Variants in ALX4 observed in about 807,000 individuals in gnomAD.
The protein encoded by ALX4 is ALX homeobox 4, also known as homeobox protein aristaless-like 4.
ALX4 carries 22 observed loss-of-function variants against 40.6 expected under a neutral mutation model. The ratio of observed to expected loss-of-function variants is 0.54; its 90% CI spans 0.39 to 0.77. The LOEUF (loss-of-function observed/expected upper bound fraction) is 0.77, where lower values mean the gene tolerates loss of function less well. Among genes scored for constraint, ALX4 ranks in the 30% least tolerant of loss-of-function variants. ALX4 has a pLI of 0.00. For synonymous variants in ALX4, 266 were observed against 240.5 expected (o/e 1.11, Z -0.98); for missense variants, 556 against 564.8 (o/e 0.98, Z 0.16).
intron 1 of ALX4, among the ~76,000 whole-genome samples, chr11:44,277,859 G>A (rs571987098): frequency 2.6e-5 from 4 of 152,354 alleles, no homozygotes; most frequent in African/African-American, 7.2e-5. Context: ...CCGGCCCAGC[G>A]GCATCACGCA....
intron 1 of ALX4, among the ~76,000 whole-genome samples, chr11:44,291,192 T>C (rs1427523747): frequency 1.3e-5 from 2 of 152,182 alleles, no homozygotes; most frequent in Non-Finnish European, 2.9e-5. Flanking sequence ...TGGCAACTGC[T>C]GTAAAAATCA....
intron 3 of ALX4, among the ~76,000 whole-genome samples, chr11:44,266,077 G>A (rs1956211931): frequency 6.6e-6 from 1 of 152,104 alleles, no homozygotes; most frequent in South Asian, 2.1e-4. Flanking sequence ...GCACACTCGA[G>A]GGAGGCATTT....
intron 1 of ALX4, among the ~76,000 whole-genome samples, chr11:44,284,567 T>C (rs1956327633): frequency 6.6e-6 from 1 of 152,234 alleles, no homozygotes; most frequent in Admixed American, 6.5e-5. Context: ...GCCAACCCTG[T>C]ACATCAGGCT....
At chr11:44,306,338 G>A (rs577336848) in intron 1 of ALX4, among the ~76,000 whole-genome samples, 2 of 152,240 alleles carry the variant, frequency 1.3e-5, no homozygotes, top group African/African-American at 4.8e-5. Flanking sequence ...GTCCAGACCC[G>A]GCCAGCAGAG....
chr11:44,286,524 C>A (rs890020182), intron 1 of ALX4, among the ~76,000 whole-genome samples: 13 of 152,120 alleles, frequency 8.5e-5, no homozygotes, highest in African/African-American at 3.1e-4. Flanking sequence ...AGTCACTGGA[C>A]GGAAGGTGAT....
chr11:44,293,420 GA>G (rs530732249), intron 1 of ALX4, among the ~76,000 whole-genome samples: 2 of 131,650 alleles, frequency 1.5e-5, no homozygotes, highest in African/African-American at 2.7e-5. Context: ...CTTAAAAAAA[GA>G]AAAAAAAATA....
chr11:44,276,817 C>T (rs906890890), intron 1 of ALX4, among the ~76,000 whole-genome samples: 12 of 152,166 alleles, frequency 7.9e-5, no homozygotes, highest in Non-Finnish European at 1.5e-4. Flanking sequence ...ATGCATGGTT[C>T]ACAGTAGGAT....
At chr11:44,297,408 C>A (rs986781621) in intron 1 of ALX4, among the ~76,000 whole-genome samples, 6 of 152,086 alleles carry the variant, frequency 3.9e-5, no homozygotes, top group African/African-American at 1.4e-4. Flanking sequence ...AAAGTCTGAA[C>A]CCTTTGGTAG....
chr11:44,295,592 C>T (rs1956398393), intron 1 of ALX4, among the ~76,000 whole-genome samples: 1 of 152,250 alleles, frequency 6.6e-6, no homozygotes, highest in African/African-American at 2.4e-5. Context: ...GTGCCATTCA[C>T]TGGATGGCCT....
At chr11:44,265,599 C>T (rs7925621) in intron 3 of ALX4, among the ~76,000 whole-genome samples, 39,250 of 152,038 alleles carry the variant, frequency 0.26, 5,362 homozygotes, top group Middle Eastern at 0.33. Flanking sequence ...GGTGAGCAGA[C>T]CTCAACTCGG....
rs373304528 is a variant in ALX4, at chr11:44,310,082, C to T, written c.-20G>A. 2.9e-5 allele frequency: 46 copies of T among 1,563,412 alleles called. No individual in the cohort carries two copies. Among genetic ancestry groups the T allele is most frequent in the Non-Finnish European group, 3.8e-5 (44 of 1,152,494 alleles). On this transcript the variant is annotated 5_prime_UTR_variant, in exon 1 of 4. Coordinates refer to ENST00000652299, the MANE Select transcript of ALX4 (RefSeq NM_021926.4). Reference sequence around the variant, plus strand: ...ATTCATGCCTGGCTTGCGCAGGCGGCGGGCGGGGACGCGAGCGAGGGCGCG... The same window carrying T: ...ATTCATGCCTGGCTTGCGCAGGCGGTGGGCGGGGACGCGAGCGAGGGCGCG...
chr11:44,278,267 G>GT (rs147206352), intron 1 of ALX4, among the ~76,000 whole-genome samples: 8,254 of 152,236 alleles, frequency 0.054, 314 homozygotes, highest in African/African-American at 0.098. Flanking sequence ...TAACTGGGGG[G>GT]AAACTGAGGC....
intron 1 of ALX4, among the ~76,000 whole-genome samples, chr11:44,301,314 A>G (rs1461652289): frequency 6.6e-6 from 1 of 152,192 alleles, no homozygotes; most frequent in East Asian, 1.9e-4. Context: ...CGATGTAACC[A>G]AAGGCCCTCA....
intron 2 of ALX4, among the ~76,000 whole-genome samples, chr11:44,270,757 G>A (rs2135309740): frequency 6.6e-6 from 1 of 152,308 alleles, no homozygotes; most frequent in East Asian, 1.9e-4. Flanking sequence ...CGGTCTGAAT[G>A]TCATACCTCA....
chr11:44,279,254 C>A (rs188956569), intron 1 of ALX4, among the ~76,000 whole-genome samples: 1 of 152,196 alleles, frequency 6.6e-6, no homozygotes, highest in African/African-American at 2.4e-5. Context: ...AACCCCCCAG[C>A]GCCCTTCCCC....
At chr11:44,285,153 C>T (rs1467667291) in intron 1 of ALX4, among the ~76,000 whole-genome samples, 1 of 152,180 alleles carries the variant, frequency 6.6e-6, no homozygotes, top group East Asian at 1.9e-4. Context: ...TTAGTAGAGA[C>T]AGGGTTTCGC....
intron 1 of ALX4, among the ~76,000 whole-genome samples, chr11:44,283,400 A>T (rs965310209): frequency 2.0e-5 from 3 of 152,240 alleles, no homozygotes; most frequent in African/African-American, 7.2e-5. Flanking sequence ...CTAGGAATTT[A>T]CTCAATAAAT....
At chr11:44,305,575 G>C (rs1171309453) in intron 1 of ALX4, among the ~76,000 whole-genome samples, 1 of 152,166 alleles carries the variant, frequency 6.6e-6, no homozygotes, top group Non-Finnish European at 1.5e-5. Context: ...ACACACCCCA[G>C]TTCTCTAACT....
Position 44,260,516 on chromosome 11 carries a change from TG to T in ALX4, c.*4337del, listed in dbSNP as rs1374759660. 2.6e-5 allele frequency: 4 copies of T among 152,170 alleles called. No homozygotes were observed. The East Asian group carries it at 7.7e-4, about 29-fold the overall frequency. 9.4% of individuals were successfully genotyped at this position (152,170 alleles called of 1,614,324 possible). A position where few individuals can be genotyped will look rare whatever the true frequency, so the allele number is the denominator to read the frequency against. The stretch of plus-strand genomic sequence containing the variant: ...TGGGCTGGGCCAGCAAAGGGTGTTC[TG>T]GGAGTGCCCGGCTACCTCTGCACTC... On this transcript the variant is annotated 3_prime_UTR_variant, in exon 4 of 4. Coordinates refer to ENST00000652299, the MANE Select transcript of ALX4 (RefSeq NM_021926.4).
Sources: allele counts gnomAD v4.1 joint callset (sites outside exome capture counted in the v4.1 genomes callset), GRCh38; gene constraint gnomAD v4.1.1; transcripts MANE v1.5; gene names NCBI Gene and HGNC (gene_info 2026-07-23, HGNC 2026-07-21).